The following PRKN variants were observed in gnomAD, a reference collection of about 807,000 sequenced individuals.
The protein encoded by PRKN is parkin RBR E3 ubiquitin protein ligase, also known as E3 ubiquitin-protein ligase parkin.
A neutral mutation model predicts 59.5 loss-of-function variants in PRKN; 56 were observed. The ratio of observed to expected loss-of-function variants is 0.94; its 90% confidence interval spans 0.76 to 1.18. The LOEUF (loss-of-function observed/expected upper bound fraction) is 1.18, where lower values mean the gene tolerates loss of function less well. PRKN is among the 50% of genes most tolerant of loss of function. The probability of loss-of-function intolerance (pLI) is 0.00; values close to 1 mark genes in which losing one functional copy is unlikely to be tolerated. For missense variants in PRKN, 657 were observed against 596.4 expected (o/e 1.10, Z -1.06); for synonymous variants, 250 against 222.1 (o/e 1.13, Z -1.12).
At chr6:162,652,203 C>T (rs538282772) in intron 1 of PRKN, among the ~76,000 whole-genome samples, 1 of 152,266 alleles carries the variant, frequency 6.6e-6, no homozygotes, top group Admixed American at 6.5e-5. Context: ...TTTAGGGTCA[C>T]CTCATATTTG....
chr6:161,909,722 G>C (rs1232968589), intron 6 of PRKN, among the ~76,000 whole-genome samples: 1 of 152,198 alleles, frequency 6.6e-6, no homozygotes, highest in East Asian at 1.9e-4. Flanking sequence ...ACCCTGGTCA[G>C]AGGTGCTCTT....
intron 1 of PRKN, among the ~76,000 whole-genome samples, chr6:162,536,134 G>T (rs191515231): frequency 5.3e-5 from 8 of 152,188 alleles, no homozygotes; most frequent in Non-Finnish European, 7.4e-5. Context: ...AAGAGCCGTG[G>T]TTCTCCTGCA....
intron 1 of PRKN, among the ~76,000 whole-genome samples, chr6:162,619,706 C>CCA (rs1562442493): frequency 2.2e-5 from 1 of 44,868 alleles, no homozygotes; most frequent in African/African-American, 6.6e-5. Flanking sequence ...TTCACTTTTT[C>CCA]CACTCACACA....
intron 2 of PRKN, among the ~76,000 whole-genome samples, chr6:162,299,329 C>T (rs1027192021): frequency 1.3e-5 from 2 of 152,098 alleles, no homozygotes; most frequent in African/African-American, 2.4e-5. Context: ...CAATCTGAAA[C>T]GCTTGAGTGT....
At chr6:161,788,863 C>T (rs1790529838) in intron 6 of PRKN, among the ~76,000 whole-genome samples, 1 of 152,166 alleles carries the variant, frequency 6.6e-6, no homozygotes, top group Non-Finnish European at 1.5e-5. Context: ...ACTATACATA[C>T]ACAGTCAACT....
rs574153494 is a variant in PRKN at position 161,851,128 on chromosome 6, T to C, written c.735-65220A>G. Among the ~76,000 whole-genome samples the C allele has an allele frequency of 7.2e-5, 11 of 152,330 alleles. No individual in the cohort carries two copies. The South Asian group carries it at 1.9e-3, about 26-fold the overall frequency. The stretch of plus-strand genomic sequence containing the variant: ...ATGGGACCTTTAAGAGGTGATTAGG[T>C]TATGAGGGCTCTGCTCTCATGAATG... On this transcript the variant is annotated intron_variant, in intron 6 of 11. Transcript: ENST00000366898.
chr6:162,387,268 A>T (rs535096859), intron 2 of PRKN, among the ~76,000 whole-genome samples: 1 of 151,192 alleles, frequency 6.6e-6, no homozygotes, highest in Non-Finnish European at 1.5e-5. Flanking sequence ...TCTCCAACCA[A>T]ATGTTTACTG....
intron 5 of PRKN, among the ~76,000 whole-genome samples, chr6:162,022,889 C>T (rs188449202): frequency 6.0e-4 from 91 of 152,262 alleles, no homozygotes; most frequent in Non-Finnish European, 1.3e-4. Context: ...TAGCCAGTTT[C>T]CCAGCACCAA....
chr6:162,444,846 G>A (rs1790232974), intron 1 of PRKN, among the ~76,000 whole-genome samples: 1 of 151,834 alleles, frequency 6.6e-6, no homozygotes, highest in Non-Finnish European at 1.5e-5. Context: ...CCCTCTTTAG[G>A]TCTCAGTTCC....
chr6:161,841,890 G>A (rs1227722409), intron 6 of PRKN, among the ~76,000 whole-genome samples: 1 of 152,014 alleles, frequency 6.6e-6, no homozygotes, highest in African/African-American at 2.4e-5. Flanking sequence ...GTCTCATCCT[G>A]CTCTTGGACT....
At chr6:161,667,116 C>T (rs1306821961) in intron 7 of PRKN, among the ~76,000 whole-genome samples, 1 of 152,204 alleles carries the variant, frequency 6.6e-6, no homozygotes, top group South Asian at 2.1e-4. Flanking sequence ...AACACTAGTC[C>T]CCCTGAGCTT....
intron 6 of PRKN, among the ~76,000 whole-genome samples, chr6:161,815,392 T>C (rs1343221691): frequency 6.6e-6 from 1 of 152,238 alleles, no homozygotes; most frequent in East Asian, 1.9e-4. Context: ...TACCATTCTT[T>C]TGTGGGCTGA....
At chr6:162,086,848 T>G (rs1307027058) in intron 4 of PRKN, among the ~76,000 whole-genome samples, 1 of 152,228 alleles carries the variant, frequency 6.6e-6, no homozygotes, top group Non-Finnish European at 1.5e-5. Context: ...CTTTTTTGTC[T>G]GAATTCCAGT....
chr6:161,623,551 C>A (rs1055303943), intron 7 of PRKN, among the ~76,000 whole-genome samples: 1 of 152,152 alleles, frequency 6.6e-6, no homozygotes, highest in African/African-American at 2.4e-5. Flanking sequence ...TTTTGAAAAG[C>A]TTATCCAAAT....
intron 6 of PRKN, among the ~76,000 whole-genome samples, chr6:161,898,029 T>G (rs1435213242): frequency 6.6e-6 from 1 of 150,724 alleles, no homozygotes; most frequent in Non-Finnish European, 1.5e-5. Context: ...TGCTACATCT[T>G]CAATTAAATC....
chr6:162,335,300 C>T lies in PRKN; in HGVS notation c.172-72535G>A, dbSNP rs572728417. On this transcript the variant is annotated intron_variant, in intron 2 of 11. Transcript: ENST00000366898. ...CAGGTGATCTGCCTGCCTCGGCCTC[C>T]CAAAGTGCTGGGACTACAGGCATGG... Among the ~76,000 whole-genome samples, 3 of 152,218 alleles carry T rather than the reference C, an allele frequency of 2.0e-5. No homozygotes were observed. In the South Asian group the frequency reaches 6.2e-4, roughly 32 times the overall value.
At chr6:162,341,056 TAAAC>T (rs1253254121) in intron 2 of PRKN, among the ~76,000 whole-genome samples, 1 of 151,716 alleles carries the variant, frequency 6.6e-6, no homozygotes, top group Admixed American at 6.6e-5. Flanking sequence ...ACAGGGAACT[TAAAC>T]AAATTTACAA....
At chr6:161,580,108 C>T (rs774586729) in intron 7 of PRKN, among the ~76,000 whole-genome samples, 1 of 152,158 alleles carries the variant, frequency 6.6e-6, no homozygotes, top group Non-Finnish European at 1.5e-5. Flanking sequence ...CTAATAGCTT[C>T]TATGATGCGG....
chr6:162,157,880 C>A (rs1782582818), intron 4 of PRKN, among the ~76,000 whole-genome samples: 1 of 151,846 alleles, frequency 6.6e-6, no homozygotes, highest in South Asian at 2.1e-4. Flanking sequence ...TTATCAACAG[C>A]TTGTCTTCCA....
Sources: gnomAD v4.1 joint callset for allele counts (sites outside exome capture counted in the v4.1 genomes callset) on GRCh38, gnomAD v4.1.1 for gene constraint, MANE v1.5 for transcripts, NCBI Gene and HGNC (gene_info 2026-07-23, HGNC 2026-07-21) for gene names.